Variants in COL7A1 observed in about 807,000 individuals in gnomAD.
COL7A1 encodes collagen alpha-1(VII) chain.
Under a neutral mutation model 456.2 loss-of-function variants are expected in COL7A1, and 296 were observed. The observed-to-expected ratio is 0.65, with a 90% CI of 0.59 to 0.71. COL7A1 has a LOEUF of 0.71. COL7A1 is among the 30% of genes least tolerant of loss of function. The pLI is 0.00. For synonymous variants in COL7A1, 1,464 were observed against 1,525.9 expected (o/e 0.96, Z 0.95); for missense variants, 3,441 against 4,017.2 (o/e 0.86, Z 3.88).
In COL7A1 at chr3:48,579,472, T is replaced by C. The variant is rs369192298; in HGVS notation, c.5271+8A>G. 1.4e-4 allele frequency: 218 copies of C among 1,614,018 alleles called. No individual in the cohort carries two copies. Among genetic ancestry groups the C allele is most frequent in the Admixed American group, 5.0e-4 (30 of 60,024 alleles). The stretch of plus-strand genomic sequence containing the variant: ...GACTTGGCAGACGGGGCAAAGTGCA[T>C]CACTCACCTGTGGGCCTGGGGGTCC... On this transcript the variant is annotated splice_region_variant and intron_variant, in intron 60 of 118. Transcript: ENST00000681320. The surrounding 1 kb of genome is among the most constrained non-coding windows in gnomAD (Gnocchi z 4.4).
In COL7A1 at chr3:48,571,372, T is replaced by C. The variant is rs1029987157; in HGVS notation, c.7069-94A>G. The C allele has an allele frequency of 1.8e-5, 27 of 1,501,214 alleles. No homozygotes were observed. The highest frequency in any genetic ancestry group is 2.4e-5 in the Non-Finnish European group (26 of 1,083,924). The allele number at this position is 1,501,214 out of a possible 1,614,324, so 93.0% of individuals were successfully genotyped here. A position where few individuals can be genotyped will look rare whatever the true frequency, so the allele number is the denominator to read the frequency against. On this transcript the variant is annotated intron_variant, in intron 92 of 118. Coordinates refer to ENST00000681320, the MANE Select transcript of COL7A1 (RefSeq NM_000094.4). This position sits in a 1 kb window ranked among gnomAD's most constrained non-coding sequence, Gnocchi z 4.6. ...AAATATTCCCAGGGGAGTTCTGATG[T>C]GACCATGAACACATGGGAACTCAGA...
rs1234517945 is a variant in COL7A1 at position 48,583,811 on chromosome 3, A to C, written c.4279-31T>G. 1.1e-5 allele frequency: 18 copies of C among 1,613,556 alleles called. No individual in the cohort carries two copies. Among genetic ancestry groups the C allele is most frequent in the Non-Finnish European group, 1.5e-5 (18 of 1,179,870 alleles). On this transcript the variant is annotated intron_variant, in intron 39 of 118. Transcript: ENST00000681320. The surrounding 1 kb of genome is among the most constrained non-coding windows in gnomAD (Gnocchi z 5.1). The stretch of plus-strand genomic sequence containing the variant: ...AAGAAGTGAGTAAAAATATGAGCCA[A>C]GAACTATGAAGCCCAGCACCCAACC...
chr3:48,591,599 G>C lies in COL7A1; in HGVS notation c.1508-7C>G, dbSNP rs1375072754. ...CTCACAGGCAGCTCTGGTCCTGTTGGAGAGCACAGCATAGAGGCAGCCTGG... is the reference window on the plus strand; with the variant it reads ...CTCACAGGCAGCTCTGGTCCTGTTGCAGAGCACAGCATAGAGGCAGCCTGG... On this transcript the variant is annotated splice_polypyrimidine_tract_variant and splice_region_variant and intron_variant, in intron 12 of 118. Coordinates refer to ENST00000681320, the MANE Select transcript of COL7A1 (RefSeq NM_000094.4). The surrounding 1 kb of genome is among the most constrained non-coding windows in gnomAD (Gnocchi z 7.0). The C allele has an allele frequency of 6.2e-7, 1 of 1,613,450 alleles. No individual in the cohort carries two copies. Among genetic ancestry groups the C allele is most frequent in the African/African-American group, 1.3e-5 (1 of 74,900 alleles).
chr3:48,590,954 G>C lies in COL7A1; in HGVS notation c.1637-138C>G. ...GGGGTGGTGGGGACCAGAGAGCTGG[G>C]ATATGGCTGAAAAAAGTGAGTGCAA... On this transcript the variant is annotated intron_variant, in intron 13 of 118. Transcript: ENST00000681320. The surrounding 1 kb of genome is among the most constrained non-coding windows in gnomAD (Gnocchi z 4.6). 2.1e-6 allele frequency: 2 copies of C among 961,028 alleles called. No homozygotes were observed. The highest frequency in any genetic ancestry group is 3.2e-6 in the Non-Finnish European group (2 of 623,506). The allele number at this position is 961,028 out of a possible 1,614,324, so 59.5% of individuals were successfully genotyped here.
intron 69 of COL7A1, 26 bp from the exon 70 acceptor site, chr3:48,576,461 G>A (rs1181326337): frequency 1.9e-6 from 3 of 1,613,236 alleles, no homozygotes; most frequent in African/African-American, 1.3e-5. Flanking sequence ...ACCAGGTGGG[G>A]AAATGGCCCC....
Position 48,574,717 on chromosome 3 carries a change from T to G in COL7A1, c.6353A>C (p.Glu2118Ala), listed in dbSNP as rs771171113. 2 of 1,613,686 alleles carry G rather than the reference T, an allele frequency of 1.2e-6. No homozygotes were observed. Among genetic ancestry groups the G allele is most frequent in the African/African-American group, 2.7e-5 (2 of 74,854 alleles). ...GPPGLKGAKG[E>A]PGSNGDQGPK... ...ACCTTGGTCACCATTGCTGCCCGGC[T>G]CCCCCTGTGGGGATGAGATGTCAAG... The change falls in exon 78 of 119, where the codon GAG becomes GCG. Residue 2118 changes from glutamate to alanine, a missense_variant. This residue lies in a region of COL7A1 where 2,084 missense variants were observed against 2,501.3 expected (regional missense o/e 0.83). Coordinates refer to ENST00000681320, the MANE Select transcript of COL7A1 (RefSeq NM_000094.4). This position sits in a 1 kb window ranked among gnomAD's most constrained non-coding sequence, Gnocchi z 5.0.
chr3:48,568,677 A>G lies in COL7A1; in HGVS notation c.7758+107T>C. The G allele has an allele frequency of 6.8e-7, 1 of 1,476,466 alleles. No individual in the cohort carries two copies. The highest frequency in any genetic ancestry group is 1.9e-4 in the Middle Eastern group (1 of 5,260). The allele number at this position is 1,476,466 out of a possible 1,614,324, so 91.5% of individuals were successfully genotyped here. ...CCGGGTGAACACACATGGGGCCGGC[A>G]GCAAGGGAGCCAGAACCCCCAGCAC... On this transcript the variant is annotated intron_variant, in intron 104 of 118. Transcript: ENST00000681320. The surrounding 1 kb of genome is among the most constrained non-coding windows in gnomAD (Gnocchi z 5.2).
Position 48,575,269 on chromosome 3 carries a change from C to A in COL7A1, c.6181-27G>T. 1 of 1,613,888 alleles carries A rather than the reference C, an allele frequency of 6.2e-7. No homozygotes were observed. Among genetic ancestry groups the A allele is most frequent in the Non-Finnish European group, 8.5e-7 (1 of 1,179,966 alleles). On this transcript the variant is annotated intron_variant, in intron 74 of 118. Coordinates refer to ENST00000681320, the MANE Select transcript of COL7A1 (RefSeq NM_000094.4). This position sits in a 1 kb window ranked among gnomAD's most constrained non-coding sequence, Gnocchi z 6.3. ...TGAAATGCAAATAGCGGGTGAGGGC[C>A]AAGCCCATGGGGGGTCCCACCCCTC... is the stretch of plus-strand genomic sequence containing the variant.
At position 48,571,257 on chromosome 3, in the gene COL7A1, G is replaced by A. The variant is rs113813395; in HGVS notation, c.7090C>T (p.Pro2364Ser). The A allele has an allele frequency of 1.2e-5, 20 of 1,614,050 alleles. No individual in the cohort carries two copies. In the Admixed American group the frequency reaches 1.5e-4, roughly 12 times the overall value. ...GGTACACATACCTTGAAACCTTTGG[G>A]TCCTGGAGCCCCTTTCTGACCCTAA... is the stretch of plus-strand genomic sequence containing the variant. ...GEDGQKGAPG[P>S]KGFKGDPGVG... The change falls in exon 93 of 119, where the codon CCC becomes TCC. Residue 2364 changes from proline (P) to serine (S), a missense_variant. Around this residue, in one of 3 missense-constraint regions of COL7A1, gnomAD observed 2,084 missense variants for 2,501.3 expected, o/e 0.83. Transcript: ENST00000681320. The surrounding 1 kb of genome is among the most constrained non-coding windows in gnomAD (Gnocchi z 4.6).
chr3:48,586,664 C>T lies in COL7A1; in HGVS notation c.3302G>A (p.Arg1101Gln), dbSNP rs370844256. The change falls in exon 26 of 119, where the codon CGG (arginine) becomes CAG (glutamine). Residue 1101 changes from arginine (R) to glutamine (Q), a missense_variant. Arg to Gln is a conservative substitution (Grantham distance 43). Transcript: ENST00000681320. The surrounding 1 kb of genome is among the most constrained non-coding windows in gnomAD (Gnocchi z 5.1). ...VQVGLLSYSH[R>Q]PSPLFPLNGS... The stretch of plus-strand genomic sequence containing the variant: ...ATTCAGTGGGAACAGTGGGGAGGGC[C>T]GATGACTGTAAGACAGCAGGCCAAC... The T allele has an allele frequency of 7.5e-6, 12 of 1,606,736 alleles. No individual in the cohort carries two copies. The South Asian group carries it at 8.9e-5, about 12-fold the overall frequency.
rs1290782449 is a variant in COL7A1, at chr3:48,594,935, G to A, written c.85+140C>T. ...GCACCGATCGCGGAGGGTTCGGGGA[G>A]TCCCAGAATTAGGAGGAATCCGCGG... On this transcript the variant is annotated intron_variant, in intron 2 of 118. Transcript: ENST00000681320. The surrounding 1 kb of genome is among the most constrained non-coding windows in gnomAD (Gnocchi z 5.5). The A allele has an allele frequency of 4.0e-6, 3 of 745,094 alleles. No individual in the cohort carries two copies. The highest frequency in any genetic ancestry group is 6.7e-6 in the Non-Finnish European group (3 of 446,908). 46.2% of individuals were successfully genotyped at this position (745,094 alleles called of 1,614,324 possible).
chr3:48,583,211 G>T lies in COL7A1; in HGVS notation c.4438-40C>A. ...TGAGAGAAAGACAGAGAGAGAGAGG[G>T]TTGGTGGCGGGGCTTGAACGTCAAA... On this transcript the variant is annotated intron_variant, in intron 42 of 118. Transcript: ENST00000681320. This position sits in a 1 kb window ranked among gnomAD's most constrained non-coding sequence, Gnocchi z 5.1. 6.2e-7 allele frequency: 1 copy of T among 1,611,788 alleles called. No individual in the cohort carries two copies. Among genetic ancestry groups the T allele is most frequent in the Non-Finnish European group, 8.5e-7 (1 of 1,179,024 alleles).
At position 48,566,366 on chromosome 3, in the gene COL7A1, G is replaced by A; in HGVS notation, c.8359-51C>T. On this transcript the variant is annotated intron_variant, in intron 113 of 118. Coordinates refer to ENST00000681320, the MANE Select transcript of COL7A1 (RefSeq NM_000094.4). The surrounding 1 kb of genome is among the most constrained non-coding windows in gnomAD (Gnocchi z 5.9). ...ATAAAGAACCCATGGCCCACAGGAA[G>A]GACATAGGGCACATAATACAGGGAC... is the stretch of plus-strand genomic sequence containing the variant. 6.2e-7 allele frequency: 1 copy of A among 1,604,514 alleles called. No individual in the cohort carries two copies. Among genetic ancestry groups the A allele is most frequent in the Admixed American group, 1.7e-5 (1 of 58,160 alleles).
chr3:48,582,214 C>A (rs987067321), intron 47 of COL7A1, 109 bp downstream of exon 47: 2 of 1,586,108 alleles, frequency 1.3e-6, no homozygotes, highest in South Asian at 1.1e-5. Flanking sequence ...GAGCTCCCAG[C>A]CTGCTCACGG....
In COL7A1 at chr3:48,590,414, C is replaced by A. The variant is rs779045670; in HGVS notation, c.1906+45G>T. On this transcript the variant is annotated intron_variant, in intron 15 of 118. Coordinates refer to ENST00000681320, the MANE Select transcript of COL7A1 (RefSeq NM_000094.4). This position sits in a 1 kb window ranked among gnomAD's most constrained non-coding sequence, Gnocchi z 4.6. ...TGCCTGTCCCCTCTGGCACCCATAC[C>A]CTCATTGGTCCCTTTGGCAGTCCCC... The A allele has an allele frequency of 6.2e-7, 1 of 1,613,906 alleles. No homozygotes were observed. The highest frequency in any genetic ancestry group is 8.5e-7 in the Non-Finnish European group (1 of 1,180,000).
At position 48,569,012 on chromosome 3, in the gene COL7A1, G is replaced by T. The variant is rs1483764995; in HGVS notation, c.7687-157C>A. ...TGTGCCATAGCGGGTGGAACTGGGG[G>T]CTGTAGTCCACAGACTGGCTCATTT... On this transcript the variant is annotated intron_variant, in intron 103 of 118. Transcript: ENST00000681320. This position sits in a 1 kb window ranked among gnomAD's most constrained non-coding sequence, Gnocchi z 4.9. Among the ~76,000 whole-genome samples, 1 of 152,234 alleles carries T rather than the reference G, an allele frequency of 6.6e-6. No individual in the cohort carries two copies. The highest frequency in any genetic ancestry group is 1.5e-5 in the Non-Finnish European group (1 of 67,994).
Position 48,570,034 on chromosome 3 carries a change from G to A in COL7A1, c.7485+100C>T. 6.3e-6 allele frequency: 10 copies of A among 1,592,304 alleles called. No individual in the cohort carries two copies. The highest frequency in any genetic ancestry group is 8.6e-6 in the Non-Finnish European group (10 of 1,161,160). ...AAAGGGGACAGGGGTAGACGAGGAG[G>A]GCCAGAGGGCTAGGGAGGATGGCAG... On this transcript the variant is annotated intron_variant, in intron 99 of 118. Coordinates refer to ENST00000681320, the MANE Select transcript of COL7A1 (RefSeq NM_000094.4). This position sits in a 1 kb window ranked among gnomAD's most constrained non-coding sequence, Gnocchi z 5.5.
chr3:48,578,420 G>T lies in COL7A1; in HGVS notation c.5487+33C>A. ...GGGGATCGGGTGAGGGTAGTAAGGG[G>T]GAAAAGGGGGTAACATGAAAGTCTG... On this transcript the variant is annotated intron_variant, in intron 64 of 118. Transcript: ENST00000681320. This position sits in a 1 kb window ranked among gnomAD's most constrained non-coding sequence, Gnocchi z 4.7. 1.2e-6 allele frequency: 2 copies of T among 1,613,524 alleles called. No individual in the cohort carries two copies. Among genetic ancestry groups the T allele is most frequent in the Non-Finnish European group, 1.7e-6 (2 of 1,180,014 alleles).
rs779416907 is a variant in COL7A1, at chr3:48,573,690, C to T, written c.6573G>A (p.Pro2191=). ...CAGGCAGTGTTCCCTGGTCACTCAC[C>T]GGGGCACCAGGTGGTCCAGGGTCTC... The part of the protein sequence containing the change: ...GHGDPGPPGA[P]GLAGPAGPQG... Residue 2191 remains proline (P), a splice_region_variant and synonymous_variant, in exon 82 of 119, where the codon CCG becomes CCA. Coordinates refer to ENST00000681320, the MANE Select transcript of COL7A1 (RefSeq NM_000094.4). This position sits in a 1 kb window ranked among gnomAD's most constrained non-coding sequence, Gnocchi z 5.5. 16 of 1,612,824 alleles carry T rather than the reference C, an allele frequency of 9.9e-6. No homozygotes were observed. Among genetic ancestry groups the T allele is most frequent in the South Asian group, 2.2e-5 (2 of 90,878 alleles).
Sources: gnomAD v4.1 joint callset for allele counts (sites outside exome capture counted in the v4.1 genomes callset) on GRCh38, gnomAD v4.1.1 for gene constraint, gnomAD v4.1.1 regional missense constraint, Gnocchi (gnomAD v3.1) non-coding constraint, MANE v1.5 for transcripts, NCBI Gene and HGNC (gene_info 2026-07-23, HGNC 2026-07-21) for gene names.